PTPRD: variants seen among roughly 807,000 people sequenced by gnomAD.
PTPRD encodes the protein receptor-type tyrosine-protein phosphatase delta.
A neutral mutation model predicts 214.5 loss-of-function variants in PTPRD; 34 were observed. That is an observed-to-expected ratio of 0.16 (90% confidence interval 0.12 to 0.21). The LOEUF is 0.21. Ranked by LOEUF, PTPRD falls within the 10% of genes least tolerant of loss-of-function variation. The probability of loss-of-function intolerance (pLI) is 1.00; values close to 1 mark genes in which losing one functional copy is unlikely to be tolerated. For synonymous variants in PTPRD, 1,128 were observed against 845.7 expected (o/e 1.33, Z -5.79); for missense variants, 2,545 against 2,398.7 (o/e 1.06, Z -1.27).
At chr9:8,577,316 C>T (rs113622963) in intron 14 of PTPRD, among the ~76,000 whole-genome samples, 5 of 152,204 alleles carry the variant, frequency 3.3e-5, no homozygotes, top group African/African-American at 7.2e-5. Context: ...GTACAATTGG[C>T]GTGATCTTGG....
chr9:9,777,766 A>T (rs1242370999), intron 5 of PTPRD, among the ~76,000 whole-genome samples: 1 of 152,220 alleles, frequency 6.6e-6, no homozygotes, highest in African/African-American at 2.4e-5. Context: ...AATATTAAAG[A>T]AGGTTTTAAT....
At chr9:9,965,288 G>C (rs898567167) in intron 4 of PTPRD, among the ~76,000 whole-genome samples, 1 of 152,158 alleles carries the variant, frequency 6.6e-6, no homozygotes, top group Non-Finnish European at 1.5e-5. Context: ...GTAGATTTAA[G>C]AGGAGCAACA....
intron 11 of PTPRD, among the ~76,000 whole-genome samples, chr9:8,865,717 T>C (rs2098184837): frequency 1.3e-5 from 2 of 152,166 alleles, no homozygotes; most frequent in African/African-American, 4.8e-5. Context: ...TATGATAGCA[T>C]GTGCTTAGAT....
chr9:8,698,461 T>A (rs1328484474), intron 12 of PTPRD, among the ~76,000 whole-genome samples: 5 of 152,348 alleles, frequency 3.3e-5, no homozygotes, highest in African/African-American at 9.6e-5. Flanking sequence ...TGATTCATGT[T>A]ACAAATGTAA....
chr9:9,088,244 T>C (rs1380145788), intron 10 of PTPRD, among the ~76,000 whole-genome samples: 1 of 151,482 alleles, frequency 6.6e-6, no homozygotes, highest in Non-Finnish European at 1.5e-5. Flanking sequence ...GAAAAGAAAG[T>C]TCTTCTAAAT....
chr9:9,371,746 A>G (rs979038216), intron 9 of PTPRD, among the ~76,000 whole-genome samples: 1 of 152,074 alleles, frequency 6.6e-6, no homozygotes, highest in African/African-American at 2.4e-5. Flanking sequence ...TCTTGTGGGC[A>G]TTTAGTGCTA....
intron 8 of PTPRD, among the ~76,000 whole-genome samples, chr9:9,418,761 T>C (rs1222531982): frequency 1.3e-5 from 2 of 151,924 alleles, no homozygotes; most frequent in African/African-American, 4.8e-5. Context: ...CTCTTGAGCA[T>C]TGAAAGTGAG....
rs1217776431 is a variant in PTPRD at position 9,085,996 on chromosome 9, T to C, written c.-142-67261A>G. ...ACATTTTGGGCTAGCCTTACAAAAGTGAATACATATGCAACTTACACATAT... is the reference window on the plus strand; with the variant it reads ...ACATTTTGGGCTAGCCTTACAAAAGCGAATACATATGCAACTTACACATAT... On this transcript the variant is annotated intron_variant, in intron 10 of 45. Transcript: ENST00000381196. 2.6e-5 allele frequency among the ~76,000 whole-genome samples: 4 copies of C among 152,296 alleles called. No homozygotes were observed. In the East Asian group the frequency reaches 7.7e-4, roughly 29 times the overall value.
intron 10 of PTPRD, among the ~76,000 whole-genome samples, chr9:9,125,592 G>A (rs931225032): frequency 3.9e-4 from 60 of 152,174 alleles, no homozygotes; most frequent in African/African-American, 1.3e-3. Context: ...AAGATATCTG[G>A]CACAAAATAG....
intron 11 of PTPRD, among the ~76,000 whole-genome samples, chr9:8,759,825 G>A (rs774143173): frequency 3.9e-5 from 6 of 152,044 alleles, no homozygotes; most frequent in East Asian, 1.9e-4. Context: ...CTCTTCTTCC[G>A]AGGTCTCCAG....
At chr9:9,536,927 G>C (rs2154268853) in intron 8 of PTPRD, among the ~76,000 whole-genome samples, 1 of 152,128 alleles carries the variant, frequency 6.6e-6, no homozygotes, top group South Asian at 2.1e-4. Flanking sequence ...GGGTAGTGTA[G>C]TGTAGAGTAT....
intron 11 of PTPRD, among the ~76,000 whole-genome samples, chr9:8,832,331 G>C (rs557306035): frequency 6.6e-6 from 1 of 150,790 alleles, no homozygotes; most frequent in East Asian, 1.9e-4. Context: ...CTGACAGTGG[G>C]TAACAGTGTA....
At chr9:10,422,832 T>C (rs1455618871) in intron 2 of PTPRD, among the ~76,000 whole-genome samples, 1 of 151,932 alleles carries the variant, frequency 6.6e-6, no homozygotes, top group Non-Finnish European at 1.5e-5. Flanking sequence ...TGTGGAGAAA[T>C]AGGAAAGCTT....
intron 5 of PTPRD, among the ~76,000 whole-genome samples, chr9:9,825,348 G>C (rs1453689954): frequency 2.0e-5 from 3 of 150,982 alleles, no homozygotes; most frequent in Non-Finnish European, 4.4e-5. Flanking sequence ...GACAAAGAAA[G>C]AGACAAAGAG....
chr9:8,409,060 T>G (rs2093302728), intron 35 of PTPRD, among the ~76,000 whole-genome samples: 1 of 152,226 alleles, frequency 6.6e-6, no homozygotes, highest in Non-Finnish European at 1.5e-5. Context: ...GATTAGAGGT[T>G]TGCATTGTAT....
intron 11 of PTPRD, among the ~76,000 whole-genome samples, chr9:8,910,985 G>A (rs185770115): frequency 6.3e-4 from 96 of 152,206 alleles, no homozygotes; most frequent in African/African-American, 2.2e-3. Context: ...CATATTCATC[G>A]ATTAAAGACA....
intron 45 of PTPRD, among the ~76,000 whole-genome samples, chr9:8,318,848 G>A (rs1440472821): frequency 1.3e-5 from 2 of 152,082 alleles, no homozygotes; most frequent in Non-Finnish European, 2.9e-5. Context: ...CTATAGGGAT[G>A]AGGAAAAGGA....
At chr9:9,838,543 G>C (rs1191198532) in intron 5 of PTPRD, among the ~76,000 whole-genome samples, 1 of 152,042 alleles carries the variant, frequency 6.6e-6, no homozygotes, top group South Asian at 2.1e-4. Flanking sequence ...TTTTTCATGT[G>C]TTTTTTGGCT....
At chr9:10,037,500 G>T (rs2097206668) in intron 3 of PTPRD, among the ~76,000 whole-genome samples, 3 of 150,146 alleles carry the variant, frequency 2.0e-5, no homozygotes, top group Non-Finnish European at 2.9e-5. Flanking sequence ...GCCATGCTTT[G>T]GTATATTGTG....
Sources: allele counts gnomAD v4.1 joint callset (sites outside exome capture counted in the v4.1 genomes callset), GRCh38; gene constraint gnomAD v4.1.1; transcripts MANE v1.5; gene names NCBI Gene and HGNC (gene_info 2026-07-23, HGNC 2026-07-21).